Variants in XYLT1 observed in about 807,000 individuals in gnomAD.
The protein encoded by XYLT1 is xylosyltransferase 1.
A neutral mutation model predicts 91.3 loss-of-function variants in XYLT1; 36 were observed. The ratio of observed to expected loss-of-function variants is 0.39; its 90% CI spans 0.30 to 0.52. The LOEUF (loss-of-function observed/expected upper bound fraction) is 0.52. Among genes scored for constraint, XYLT1 ranks in the 20% least tolerant of loss-of-function variants. The pLI is 0.68. For missense variants in XYLT1, 1,242 were observed against 1,284.5 expected (o/e 0.97, Z 0.51); for synonymous variants, 588 against 532.0 (o/e 1.11, Z -1.45).
intron 2 of XYLT1, among the ~76,000 whole-genome samples, chr16:17,311,494 T>C (rs2141821713): frequency 6.6e-6 from 1 of 152,306 alleles, no homozygotes; most frequent in East Asian, 1.9e-4. Context: ...TCCCATGTGA[T>C]GCAGCTGCTG....
intron 10 of XYLT1, among the ~76,000 whole-genome samples, chr16:17,125,574 C>T (rs1050816362): frequency 2.0e-5 from 3 of 151,898 alleles, no homozygotes; most frequent in African/African-American, 4.8e-5. Context: ...CCAGATCTCC[C>T]GAGGACTGGC....
At chr16:17,396,014 T>C (rs1168091437) in intron 1 of XYLT1, among the ~76,000 whole-genome samples, 1 of 152,144 alleles carries the variant, frequency 6.6e-6, no homozygotes, top group African/African-American at 2.4e-5. Context: ...AACCAGATGT[T>C]TAAAAGTAGC....
At chr16:17,320,921 C>T (rs1191893254) in intron 2 of XYLT1, among the ~76,000 whole-genome samples, 2 of 151,954 alleles carry the variant, frequency 1.3e-5, no homozygotes, top group Admixed American at 6.6e-5. Flanking sequence ...GTAAAATATA[C>T]GTAAGGCACT....
At chr16:17,322,169 A>C (rs919906222) in intron 2 of XYLT1, among the ~76,000 whole-genome samples, 1 of 152,206 alleles carries the variant, frequency 6.6e-6, no homozygotes, top group Non-Finnish European at 1.5e-5. Flanking sequence ...CAGCGGGGAC[A>C]GCAAGGTTAG....
chr16:17,384,004 T>C (rs1191688828), intron 1 of XYLT1, among the ~76,000 whole-genome samples: 2 of 151,848 alleles, frequency 1.3e-5, no homozygotes, highest in Non-Finnish European at 2.9e-5. Flanking sequence ...TGCCTCCACC[T>C]CCCAAAGTGC....
Position 17,445,214 on chromosome 16 carries a change from CAAG to C in XYLT1, c.363+25217_363+25219del, listed in dbSNP as rs532496449. 3.5e-3 allele frequency among the ~76,000 whole-genome samples: 540 copies of C among 152,250 alleles called. 3 individuals carry two copies. The highest frequency in any genetic ancestry group is 4.5e-3 in the Non-Finnish European group (308 of 68,012). ...TTCACTATGTTACCCAGGCTGGTCTCAAGGAGCCTGAGCTTAAGAGATCTTCCT... is the reference window on the plus strand; with the variant it reads ...TTCACTATGTTACCCAGGCTGGTCTCGAGCCTGAGCTTAAGAGATCTTCCT... On this transcript the variant is annotated intron_variant, in intron 1 of 11. Coordinates refer to ENST00000261381, the MANE Select transcript of XYLT1 (RefSeq NM_022166.4).
intron 2 of XYLT1, among the ~76,000 whole-genome samples, chr16:17,282,082 G>A (rs1567355028): frequency 6.6e-6 from 1 of 152,176 alleles, no homozygotes; most frequent in Admixed American, 6.5e-5. Flanking sequence ...TCCAAATAAT[G>A]ATGGTAGTAC....
intron 5 of XYLT1, among the ~76,000 whole-genome samples, chr16:17,185,237 A>G (rs2032157844): frequency 6.6e-6 from 1 of 152,262 alleles, no homozygotes; most frequent in Non-Finnish European, 1.5e-5. Flanking sequence ...CATCAGCCTG[A>G]AAAATAACAG....
At chr16:17,334,172 A>G (rs1373690318) in intron 2 of XYLT1, among the ~76,000 whole-genome samples, 1 of 152,214 alleles carries the variant, frequency 6.6e-6, no homozygotes, top group East Asian at 1.9e-4. Context: ...CCCAGCTTTC[A>G]GAACTGTGAG....
chr16:17,223,207 G>A (rs745984421), intron 3 of XYLT1, among the ~76,000 whole-genome samples: 10 of 152,140 alleles, frequency 6.6e-5, no homozygotes, highest in Admixed American at 1.3e-4. Context: ...ATGCACAGTC[G>A]CACTCACAGA....
At chr16:17,432,126 G>A (rs1215091499) in intron 1 of XYLT1, among the ~76,000 whole-genome samples, 2 of 152,146 alleles carry the variant, frequency 1.3e-5, no homozygotes, top group Non-Finnish European at 2.9e-5. Flanking sequence ...TGGCAGGAAT[G>A]CAGAATGGCA....
chr16:17,121,938 T>A (rs1458184803), intron 10 of XYLT1, among the ~76,000 whole-genome samples: 2 of 152,082 alleles, frequency 1.3e-5, no homozygotes, highest in African/African-American at 2.4e-5. Flanking sequence ...CGTTCCTTTT[T>A]ATGGCTGAGT....
intron 2 of XYLT1, among the ~76,000 whole-genome samples, chr16:17,347,375 G>C (rs1320052755): frequency 6.6e-6 from 1 of 152,136 alleles, no homozygotes; most frequent in Non-Finnish European, 1.5e-5. Flanking sequence ...TACCAACTTG[G>C]GACAGACAGA....
intron 2 of XYLT1, among the ~76,000 whole-genome samples, chr16:17,287,055 T>C (rs927143354): frequency 8.5e-5 from 13 of 152,166 alleles, no homozygotes; most frequent in Non-Finnish European, 1.6e-4. Flanking sequence ...GTCTACAGTA[T>C]GCCTTGATGA....
intron 2 of XYLT1, among the ~76,000 whole-genome samples, chr16:17,356,999 A>T (rs2035304427): frequency 6.6e-6 from 1 of 151,494 alleles, no homozygotes; most frequent in African/African-American, 2.4e-5. Flanking sequence ...ACACGGTGAA[A>T]CCTCGTCTCT....
chr16:17,148,457 G>A (rs1346733174), intron 6 of XYLT1, among the ~76,000 whole-genome samples: 1 of 152,160 alleles, frequency 6.6e-6, no homozygotes, highest in Non-Finnish European at 1.5e-5. Context: ...GTTCACTGCT[G>A]TATCCCTACT....
intron 3 of XYLT1, among the ~76,000 whole-genome samples, chr16:17,240,336 A>C (rs1382130203): frequency 6.6e-6 from 1 of 152,196 alleles, no homozygotes; most frequent in Non-Finnish European, 1.5e-5. Context: ...TGAAGGTCTC[A>C]CTGACTTGCA....
chr16:17,147,449 T>C lies in XYLT1; in HGVS notation c.1371-6080A>G, dbSNP rs144013785. Among the ~76,000 whole-genome samples, 591 of 152,352 alleles carry C rather than the reference T, an allele frequency of 3.9e-3. 3 individuals are homozygous for C. In the Middle Eastern group the frequency reaches 0.044, roughly 11 times the overall value. On this transcript the variant is annotated intron_variant, in intron 6 of 11. Coordinates refer to ENST00000261381, the MANE Select transcript of XYLT1 (RefSeq NM_022166.4). Reference sequence around the variant, plus strand: ...ATTATATGGGATAATAGCATCGTCTTGCAATTTTAATGTGATGTCCCGGAC... The same window carrying C: ...ATTATATGGGATAATAGCATCGTCTCGCAATTTTAATGTGATGTCCCGGAC...
chr16:17,173,700 G>A (rs2031877864), intron 5 of XYLT1, among the ~76,000 whole-genome samples: 1 of 152,264 alleles, frequency 6.6e-6, no homozygotes, highest in Admixed American at 6.5e-5. Context: ...AGGTCCAGCT[G>A]AGACGAGCCT....
Sources: gnomAD v4.1 joint callset for allele counts (sites outside exome capture counted in the v4.1 genomes callset) on GRCh38, gnomAD v4.1.1 for gene constraint, MANE v1.5 for transcripts, NCBI Gene and HGNC (gene_info 2026-07-23, HGNC 2026-07-21) for gene names.